CRACD: variants seen among roughly 807,000 people sequenced by gnomAD.
CRACD encodes the protein capping protein inhibiting regulator of actin dynamics.
CRACD carries 56 observed loss-of-function variants against 106.8 expected under a neutral mutation model. The ratio of observed to expected loss-of-function variants is 0.52; its 90% CI spans 0.42 to 0.66. The LOEUF (loss-of-function observed/expected upper bound fraction) is 0.66, where lower values mean the gene tolerates loss of function less well. Among genes scored for constraint, CRACD ranks in the 30% least tolerant of loss-of-function variants. The pLI is 0.00. For missense variants in CRACD, 1,730 were observed against 1,623.2 expected (o/e 1.07, Z -1.13); for synonymous variants, 754 against 670.8 (o/e 1.12, Z -1.92).
intron 1 of CRACD, among the ~76,000 whole-genome samples, chr4:56,069,797 G>A (rs1036380812): frequency 1.3e-5 from 2 of 151,986 alleles, no homozygotes; most frequent in Non-Finnish European, 2.9e-5. Flanking sequence ...TTCCCTGCTC[G>A]AAAAAAGAGA....
intron 3 of CRACD, among the ~76,000 whole-genome samples, chr4:56,277,097 A>C (rs924756474): frequency 1.3e-5 from 2 of 152,194 alleles, no homozygotes; most frequent in Non-Finnish European, 2.9e-5. Context: ...TCATGGAAGA[A>C]GGAAGATGAC....
chr4:56,086,561 C>T (rs1209536373), intron 1 of CRACD, among the ~76,000 whole-genome samples: 3 of 152,112 alleles, frequency 2.0e-5, no homozygotes, highest in Non-Finnish European at 4.4e-5. Context: ...TGAGGTACCC[C>T]GGACACCTCC....
chr4:56,205,389 G>C (rs1402588354), intron 2 of CRACD, among the ~76,000 whole-genome samples: 1 of 152,110 alleles, frequency 6.6e-6, no homozygotes, highest in Non-Finnish European at 1.5e-5. Flanking sequence ...CTGCAGTAAA[G>C]CCAAAGAATG....
chr4:56,317,411 G>A (rs1343110893), intron 8 of CRACD, among the ~76,000 whole-genome samples: 4 of 152,192 alleles, frequency 2.6e-5, no homozygotes, highest in African/African-American at 7.2e-5. Context: ...TCTGCAGTGT[G>A]TCTGCAGTTC....
chr4:56,132,748 G>A (rs1436298864), intron 1 of CRACD, among the ~76,000 whole-genome samples: 5 of 152,148 alleles, frequency 3.3e-5, no homozygotes, highest in African/African-American at 9.7e-5. Flanking sequence ...TCCAAAGGAC[G>A]CAGCATAAGA....
chr4:56,281,422 T>C (rs1461845772), intron 3 of CRACD, among the ~76,000 whole-genome samples: 1 of 152,078 alleles, frequency 6.6e-6, no homozygotes, highest in Non-Finnish European at 1.5e-5. Flanking sequence ...TGCTGAGGTA[T>C]AGCGATTCTT....
chr4:56,308,710 A>T, intron 5 of CRACD: 2 of 984,236 alleles, frequency 2.0e-6, no homozygotes, highest in Non-Finnish European at 2.4e-6. Flanking sequence ...GCACCCACGC[A>T]TTGACACCCT....
At chr4:56,250,347 T>A (rs140400682) in intron 2 of CRACD, among the ~76,000 whole-genome samples, 115 of 152,342 alleles carry the variant, frequency 7.5e-4, no homozygotes, top group African/African-American at 2.4e-3. Flanking sequence ...TAATAACTAA[T>A]GTTTTTGCTG....
intron 5 of CRACD, chr4:56,309,144 G>C: frequency 2.5e-6 from 1 of 395,622 alleles, no homozygotes; most frequent in Non-Finnish European, 5.0e-6. Context: ...TCTCTTATTT[G>C]GGTGAGGAGT....
intron 1 of CRACD, among the ~76,000 whole-genome samples, chr4:56,156,803 G>A (rs912006115): frequency 2.0e-5 from 3 of 152,158 alleles, no homozygotes; most frequent in Non-Finnish European, 2.9e-5. Context: ...CTGTAAAATC[G>A]AAACAGTAAT....
At chr4:56,155,769 T>C (rs1735744765) in intron 1 of CRACD, among the ~76,000 whole-genome samples, 1 of 152,202 alleles carries the variant, frequency 6.6e-6, no homozygotes, top group Admixed American at 6.5e-5. Flanking sequence ...AGTAATAAAC[T>C]GTATAGAATA....
chr4:56,220,437 GA>G (rs950932191), intron 2 of CRACD, among the ~76,000 whole-genome samples: 1 of 152,130 alleles, frequency 6.6e-6, no homozygotes, highest in African/African-American at 2.4e-5. Context: ...GGATAAGTTG[GA>G]GTTCTTTGAA....
chr4:56,086,732 C>A (rs769443320), intron 1 of CRACD, among the ~76,000 whole-genome samples: 5 of 152,120 alleles, frequency 3.3e-5, no homozygotes, highest in Non-Finnish European at 5.9e-5. Flanking sequence ...TTCCTCTTAT[C>A]GTTTCTCCAT....
At chr4:56,056,940 A>T (rs758157736) in intron 1 of CRACD, among the ~76,000 whole-genome samples, 1 of 152,184 alleles carries the variant, frequency 6.6e-6, no homozygotes, top group African/African-American at 2.4e-5. Flanking sequence ...AACATACTGG[A>T]TTTGAAACAT....
At chr4:56,064,194 G>A (rs774016192) in intron 1 of CRACD, among the ~76,000 whole-genome samples, 5 of 152,202 alleles carry the variant, frequency 3.3e-5, no homozygotes. Context: ...GAATGGGGTT[G>A]TTTATTTGTT....
chr4:56,211,221 T>C (rs979261444), intron 2 of CRACD, among the ~76,000 whole-genome samples: 2 of 152,220 alleles, frequency 1.3e-5, no homozygotes, highest in Non-Finnish European at 1.5e-5. Context: ...TCAGAGGCAT[T>C]TGGACCAGAG....
rs1039776721 is a variant in CRACD, at chr4:56,324,407, C to T, written c.3541+141C>T. Reference sequence around the variant, plus strand: ...GCTATCTGATAACCTCATTCATAAACGTTGACACTGATTAAGCTCATTTGA... The same window carrying T: ...GCTATCTGATAACCTCATTCATAAATGTTGACACTGATTAAGCTCATTTGA... On this transcript the variant is annotated intron_variant, in intron 10 of 10. Transcript: ENST00000682029. 15 of 739,936 alleles carry T rather than the reference C, an allele frequency of 2.0e-5. No individual in the cohort carries two copies. The East Asian group carries it at 3.4e-4, about 17-fold the overall frequency. 45.8% of individuals were successfully genotyped at this position (739,936 alleles called of 1,614,324 possible).
At chr4:56,181,600 T>C (rs765719623) in intron 2 of CRACD, among the ~76,000 whole-genome samples, 2 of 152,218 alleles carry the variant, frequency 1.3e-5, no homozygotes, top group Non-Finnish European at 2.9e-5. Context: ...TTCACAGGTC[T>C]GTAGGCTAGA....
intron 1 of CRACD, among the ~76,000 whole-genome samples, chr4:56,099,635 G>A (rs142953418): frequency 1.2e-3 from 181 of 152,290 alleles, no homozygotes; most frequent in Non-Finnish European, 2.1e-3. Context: ...GAGGCTCTGT[G>A]TGGGTTAGCA....
Sources: allele counts gnomAD v4.1 joint callset (sites outside exome capture counted in the v4.1 genomes callset), GRCh38; gene constraint gnomAD v4.1.1; transcripts MANE v1.5; gene names NCBI Gene and HGNC (gene_info 2026-07-23, HGNC 2026-07-21).